The following TRMT9B variants were observed in gnomAD, a reference collection of about 807,000 sequenced individuals.
TRMT9B encodes the protein probable tRNA methyltransferase 9B.
In TRMT9B, 16 loss-of-function variants were observed where a neutral mutation model predicts 11.5. The observed-to-expected ratio is 1.39, with a 90% CI of 0.94 to 2.11. The LOEUF (loss-of-function observed/expected upper bound fraction) is 2.11. Among genes scored for constraint, TRMT9B ranks in the 30% most tolerant of loss-of-function variants. The probability of loss-of-function intolerance (pLI) is 0.00; values close to 1 mark genes in which losing one functional copy is unlikely to be tolerated. For missense variants in TRMT9B, 941 were observed against 553.8 expected (o/e 1.70, Z -7.02); for synonymous variants, 274 against 192.4 (o/e 1.42, Z -3.51).
At chr8:12,976,222 A>G (rs763701305) in intron 1 of TRMT9B, among the ~76,000 whole-genome samples, 12 of 152,170 alleles carry the variant, frequency 7.9e-5, no homozygotes, top group Non-Finnish European at 1.3e-4. Context: ...GTCTATGTAT[A>G]ACAAAGCCAC....
At position 13,029,050 on chromosome 8, in the gene TRMT9B, C is replaced by A. The variant is rs1466752266; in HGVS notation, c.*7006C>A. On this transcript the variant is annotated 3_prime_UTR_variant, in exon 5 of 5. Transcript: ENST00000524591. ...TGTATGTCTGTAAATATATATATAA[C>A]ACACATATATATATATTCCTAGACA... The A allele has an allele frequency of 3.0e-5, 5 of 166,466 alleles. No individual in the cohort carries two copies. The highest frequency in any genetic ancestry group is 9.7e-5 in the African/African-American group (4 of 41,162). The allele number at this position is 166,466 out of a possible 1,614,324, so 10.3% of individuals were successfully genotyped here.
intron 1 of TRMT9B, among the ~76,000 whole-genome samples, chr8:12,946,999 T>G (rs1318536685): frequency 6.6e-6 from 1 of 152,124 alleles, no homozygotes; most frequent in Non-Finnish European, 1.5e-5. Flanking sequence ...GGTTTAGGAT[T>G]TAGGAGATGG....
chr8:13,008,435 G>A, intron 3 of TRMT9B, among the ~76,000 whole-genome samples: 1 of 152,192 alleles, frequency 6.6e-6, no homozygotes, highest in East Asian at 1.9e-4. Flanking sequence ...GGCTGGGTAT[G>A]TGGGTCTCAG....
intron 3 of TRMT9B, chr8:13,012,189 A>C: frequency 7.1e-6 from 7 of 985,324 alleles, no homozygotes; most frequent in Non-Finnish European, 7.2e-6. Context: ...TCTCTCTTCT[A>C]TATGAGAATC....
chr8:12,965,251 A>G (rs75422680), intron 1 of TRMT9B, among the ~76,000 whole-genome samples: 176 of 152,356 alleles, frequency 1.2e-3, no homozygotes, highest in East Asian at 6.4e-3. Flanking sequence ...TTTTGTAGGT[A>G]TTAAGCAGGT....
intron 2 of TRMT9B, among the ~76,000 whole-genome samples, chr8:13,004,153 T>A (rs1809983145): frequency 6.6e-6 from 1 of 151,984 alleles, no homozygotes; most frequent in East Asian, 2.0e-4. Context: ...CCCAGCAGTC[T>A]GAACTTGAGT....
intron 1 of TRMT9B, among the ~76,000 whole-genome samples, chr8:12,975,021 G>C (rs1385583123): frequency 2.1e-5 from 3 of 143,484 alleles, no homozygotes; most frequent in Admixed American, 7.0e-5. Flanking sequence ...TACATAAGCA[G>C]TTTTTTTTTT....
chr8:13,007,422 G>A (rs1193263659), intron 3 of TRMT9B: 1 of 152,170 alleles, frequency 6.6e-6, no homozygotes, highest in South Asian at 2.1e-4. Flanking sequence ...ACCTAAAACT[G>A]CGTTCTAGCA....
At chr8:12,947,803 A>G (rs1800336261) in intron 1 of TRMT9B, among the ~76,000 whole-genome samples, 1 of 152,234 alleles carries the variant, frequency 6.6e-6, no homozygotes, top group Non-Finnish European at 1.5e-5. Flanking sequence ...ACAGCCTTGT[A>G]GTCCACAGGA....
At position 13,027,437 on chromosome 8, in the gene TRMT9B, C is replaced by A. The variant is rs749552810; in HGVS notation, c.*5393C>A. 6.0e-6 allele frequency: 1 copy of A among 167,016 alleles called. No individual in the cohort carries two copies. Among genetic ancestry groups the A allele is most frequent in the Non-Finnish European group, 1.5e-5 (1 of 68,122 alleles). 10.3% of individuals were successfully genotyped at this position (167,016 alleles called of 1,614,324 possible). Reference sequence around the variant, plus strand: ...CCCTAGACGTATTAACATCCTATAGCGCACGTGTTCTGTGGGATATATTTC... The same window carrying A: ...CCCTAGACGTATTAACATCCTATAGAGCACGTGTTCTGTGGGATATATTTC... On this transcript the variant is annotated 3_prime_UTR_variant, in exon 5 of 5. Coordinates refer to ENST00000524591, the MANE Select transcript of TRMT9B (RefSeq NM_020844.3).
chr8:12,981,721 T>A (rs1340261752), intron 1 of TRMT9B, among the ~76,000 whole-genome samples: 1 of 152,034 alleles, frequency 6.6e-6, no homozygotes, highest in Non-Finnish European at 1.5e-5. Context: ...AGCCTCAGTC[T>A]CCTGAGTAGC....
At chr8:12,952,092 GC>G (rs1563298982) in intron 1 of TRMT9B, 1 of 417,396 alleles carries the variant, frequency 2.4e-6, no homozygotes, top group East Asian at 7.8e-5. Flanking sequence ...ACCTGGTGCA[GC>G]CCTCGGCTCT....
intron 1 of TRMT9B, among the ~76,000 whole-genome samples, chr8:12,947,497 T>A (rs1473204128): frequency 2.6e-5 from 4 of 152,236 alleles, no homozygotes; most frequent in African/African-American, 9.6e-5. Context: ...AGCCAGTACC[T>A]TAGACCACGT....
At chr8:13,020,071 C>T (rs1349198168) in intron 4 of TRMT9B, among the ~76,000 whole-genome samples, 2 of 152,152 alleles carry the variant, frequency 1.3e-5, no homozygotes, top group East Asian at 3.8e-4. Context: ...AGGTAAACTA[C>T]AAAGATTAGT....
intron 3 of TRMT9B, among the ~76,000 whole-genome samples, chr8:13,008,553 C>G (rs1163909807): frequency 6.6e-6 from 1 of 152,112 alleles, no homozygotes; most frequent in Non-Finnish European, 1.5e-5. Context: ...GGTACATTAA[C>G]TGCAAATATG....
chr8:12,963,679 G>A (rs1307649218), intron 1 of TRMT9B, among the ~76,000 whole-genome samples: 1 of 152,004 alleles, frequency 6.6e-6, no homozygotes, highest in Non-Finnish European at 1.5e-5. Flanking sequence ...AGCCTTGGAG[G>A]TCAATGCTAT....
chr8:13,006,589 G>A, intron 3 of TRMT9B: 1 of 1,416,812 alleles, frequency 7.1e-7, no homozygotes, highest in East Asian at 2.5e-5. Flanking sequence ...TGGCATGCCA[G>A]TACCTAGAAT....
chr8:12,951,808 G>T (rs1441832226), intron 1 of TRMT9B: 1 of 151,844 alleles, frequency 6.6e-6, no homozygotes, highest in Non-Finnish European at 1.5e-5. Flanking sequence ...CGCTTCCCGC[G>T]CGGGGCGCCG....
At position 13,027,144 on chromosome 8, in the gene TRMT9B, C is replaced by CCTGCTGTGTGCTGGATACACAGT. The variant is rs1236928256; in HGVS notation, c.*5120_*5142dup. ...CATTCACTCCATTTGTTTACTAAGC[C>CCTGCTGTGTGCTGGATACACAGT]CTGCTGTGTGCTGGATACACAGTCT... On this transcript the variant is annotated 3_prime_UTR_variant, in exon 5 of 5. Transcript: ENST00000524591. 2 of 166,914 alleles carry CCTGCTGTGTGCTGGATACACAGT rather than the reference C, an allele frequency of 1.2e-5. No individual in the cohort carries two copies. The highest frequency in any genetic ancestry group is 1.9e-4 in the East Asian group (1 of 5,186). The allele number at this position is 166,914 out of a possible 1,614,324, so 10.3% of individuals were successfully genotyped here. A position where few individuals can be genotyped will look rare whatever the true frequency, so the allele number is the denominator to read the frequency against.
Sources: allele counts gnomAD v4.1 joint callset (sites outside exome capture counted in the v4.1 genomes callset), GRCh38; gene constraint gnomAD v4.1.1; transcripts MANE v1.5; gene names NCBI Gene and HGNC (gene_info 2026-07-23, HGNC 2026-07-21).